KLHL7: variants seen among roughly 807,000 people sequenced by gnomAD.
The protein encoded by KLHL7 is kelch like family member 7, also known as kelch-like protein 7.
In KLHL7, 44 loss-of-function variants were observed where a neutral mutation model predicts 67.4. That is an observed-to-expected ratio of 0.65 (90% confidence interval 0.51 to 0.84). KLHL7 has a LOEUF of 0.84. Among genes scored for constraint, KLHL7 ranks in the 40% least tolerant of loss-of-function variants. The pLI is 0.00. For synonymous variants in KLHL7, 252 were observed against 243.3 expected (o/e 1.04, Z -0.33); for missense variants, 362 against 718.1 (o/e 0.50, Z 5.67).
intron 6 of KLHL7, among the ~76,000 whole-genome samples, chr7:23,146,735 T>C (rs1039583178): frequency 1.3e-5 from 2 of 151,956 alleles, no homozygotes; most frequent in African/African-American, 4.8e-5. Context: ...ATATTTTTCC[T>C]AATATATCTG....
chr7:23,163,224 G>A (rs1245756786), intron 7 of KLHL7, among the ~76,000 whole-genome samples: 1 of 152,050 alleles, frequency 6.6e-6, no homozygotes, highest in East Asian at 1.9e-4. Flanking sequence ...AGGCTGGAGT[G>A]CGGTGGCGTG....
chr7:23,142,669 A>G (rs768826291), intron 5 of KLHL7, among the ~76,000 whole-genome samples: 38 of 152,310 alleles, frequency 2.5e-4, no homozygotes, highest in Middle Eastern at 3.4e-3. Flanking sequence ...CTAAAAAACC[A>G]TAACCTCAGT....
At chr7:23,151,582 G>A (rs557883609) in intron 6 of KLHL7, among the ~76,000 whole-genome samples, 50 of 152,304 alleles carry the variant, frequency 3.3e-4, no homozygotes, top group African/African-American at 1.1e-3. Flanking sequence ...GAAGCAGGTG[G>A]TCTTTGAACC....
rs192718082 is a variant in KLHL7, at chr7:23,164,905, C to T, written c.937-793C>T. ...GATTATTTTCAGAAAATAGCAGGAA[C>T]GCTGTAGCTTCCTATCTCAAAAAAA... On this transcript the variant is annotated intron_variant, in intron 7 of 10. Transcript: ENST00000339077. 8.5e-5 allele frequency among the ~76,000 whole-genome samples: 13 copies of T among 152,254 alleles called. No individual in the cohort carries two copies. The East Asian group carries it at 1.7e-3, about 20-fold the overall frequency.
chr7:23,119,921 G>A (rs960557245), intron 1 of KLHL7, among the ~76,000 whole-genome samples: 4 of 151,864 alleles, frequency 2.6e-5, no homozygotes, highest in Non-Finnish European at 4.4e-5. Context: ...TATCTTTATC[G>A]TCTTACTAAT....
rs2128460328 is a variant in KLHL7, at chr7:23,124,694, T to TGCTTGAATCAAAGTCCTTTGAA, written c.232_253dup (p.Val85AlafsTer2). ...TTTCTTCTCTTCATTGTAGCTAACA[T>TGCTTGAATCAAAGTCCTTTGAA]GCTTGAATCAAAGTCCTTTGAAGTA... On this transcript the variant is annotated frameshift_variant, in exon 3 of 11. Transcript: ENST00000339077. LOFTEE classifies it high-confidence loss of function. The TGCTTGAATCAAAGTCCTTTGAA allele has an allele frequency of 6.2e-7, 1 of 1,600,814 alleles. No individual in the cohort carries two copies. The highest frequency in any genetic ancestry group is 8.6e-7 in the Non-Finnish European group (1 of 1,167,882).
intron 4 of KLHL7, among the ~76,000 whole-genome samples, chr7:23,128,422 TAAAAAA>T (rs201757686): frequency 3.0e-4 from 35 of 116,932 alleles, no homozygotes; most frequent in East Asian, 1.6e-3. Context: ...TCTTTGGGTT[TAAAAAA>T]AAAAAAAAAA....
At chr7:23,133,549 A>G (rs1157562946) in intron 4 of KLHL7, among the ~76,000 whole-genome samples, 5 of 152,156 alleles carry the variant, frequency 3.3e-5, no homozygotes, top group Middle Eastern at 3.4e-3. Flanking sequence ...CTCCCACCTC[A>G]GCCTCCCGAG....
chr7:23,148,841 G>A (rs1784444150), intron 6 of KLHL7, among the ~76,000 whole-genome samples: 1 of 152,192 alleles, frequency 6.6e-6, no homozygotes, highest in Non-Finnish European at 1.5e-5. Flanking sequence ...AACTTACTAG[G>A]CTTATTACAT....
intron 6 of KLHL7, among the ~76,000 whole-genome samples, chr7:23,151,065 TAAAC>T (rs1026620915): frequency 3.9e-5 from 6 of 152,052 alleles, no homozygotes; most frequent in Admixed American, 2.0e-4. Flanking sequence ...TATTTTAACT[TAAAC>T]AAAATTTCAT....
chr7:23,146,666 C>CTTT (rs141759768), intron 6 of KLHL7, among the ~76,000 whole-genome samples: 1 of 145,790 alleles, frequency 6.9e-6, no homozygotes, highest in Non-Finnish European at 1.5e-5. Flanking sequence ...TCTTCTTCTT[C>CTTT]TTTTTTTTTT....
At chr7:23,117,727 C>T (rs1783153333) in intron 1 of KLHL7, 3 of 1,061,084 alleles carry the variant, frequency 2.8e-6, no homozygotes, top group East Asian at 5.2e-5. Flanking sequence ...TTTAATGTTT[C>T]TTAGCCTTTG....
intron 1 of KLHL7, among the ~76,000 whole-genome samples, chr7:23,115,309 A>T (rs1719128560): frequency 6.6e-6 from 1 of 152,198 alleles, no homozygotes; most frequent in African/African-American, 2.4e-5. Context: ...TTTTGCAGCC[A>T]AAAACAGAAT....
intron 10 of KLHL7, 149 bp from the exon 11 acceptor site, chr7:23,173,866 G>A: frequency 1.4e-6 from 1 of 732,194 alleles, no homozygotes; most frequent in Non-Finnish European, 2.3e-6. Context: ...TGGCTATGTG[G>A]ACATTCACTG....
intron 4 of KLHL7, among the ~76,000 whole-genome samples, chr7:23,128,687 A>G (rs947193181): frequency 2.0e-5 from 3 of 152,022 alleles, no homozygotes; most frequent in Non-Finnish European, 4.4e-5. Flanking sequence ...TAAAAAAAAA[A>G]GTGACCCTAC....
At position 23,123,848 on chromosome 7, in the gene KLHL7, A is replaced by G; in HGVS notation, c.192A>G (p.Ala64=). The change falls in exon 2 of 11, where the codon GCA becomes GCG. Residue 64 remains alanine (A), a synonymous_variant. Coordinates refer to ENST00000339077, the MANE Select transcript of KLHL7 (RefSeq NM_001031710.3). The part of the protein sequence containing the change: ...KIPAHRVVLA[A]ASHFFNLMFT... ...CTGCTCATCGTGTTGTTCTTGCTGCAGCCAGTCATTTTTTTAACTTAATGT... is the reference window on the plus strand; with the variant it reads ...CTGCTCATCGTGTTGTTCTTGCTGCGGCCAGTCATTTTTTTAACTTAATGT... 1 of 1,613,378 alleles carries G rather than the reference A, an allele frequency of 6.2e-7. No individual in the cohort carries two copies. The highest frequency in any genetic ancestry group is 8.5e-7 in the Non-Finnish European group (1 of 1,179,622).
intron 1 of KLHL7, among the ~76,000 whole-genome samples, chr7:23,116,108 G>A (rs1035449609): frequency 6.6e-6 from 1 of 152,164 alleles, no homozygotes; most frequent in African/African-American, 2.4e-5. Context: ...ACAGTTTGTG[G>A]CCTTGCATTC....
intron 4 of KLHL7, among the ~76,000 whole-genome samples, chr7:23,126,943 C>T (rs1336855118): frequency 2.6e-5 from 4 of 152,158 alleles, no homozygotes; most frequent in African/African-American, 7.2e-5. Context: ...AATCTCTAAT[C>T]CTACCTGTAC....
intron 4 of KLHL7, among the ~76,000 whole-genome samples, chr7:23,138,372 A>AATTACTTGAAACCTGGGAGGTG (rs1374162230): frequency 1.4e-5 from 2 of 140,146 alleles, no homozygotes; most frequent in African/African-American, 5.3e-5. Flanking sequence ...TGAGGTAGGG[A>AATTACTTGAAACCTGGGAGGTG]ATTACTTGAA....
Sources: allele counts gnomAD v4.1 joint callset (sites outside exome capture counted in the v4.1 genomes callset), GRCh38; gene constraint gnomAD v4.1.1; transcripts MANE v1.5; gene names NCBI Gene and HGNC (gene_info 2026-07-23, HGNC 2026-07-21).